The following SGCZ variants were observed in gnomAD, a reference collection of about 807,000 sequenced individuals.
The protein encoded by SGCZ is zeta-sarcoglycan.
SGCZ carries 40 observed loss-of-function variants against 41.3 expected under a neutral mutation model. The observed-to-expected ratio is 0.97, with a 90% confidence interval of 0.75 to 1.26. The LOEUF (loss-of-function observed/expected upper bound fraction) is 1.26. Among genes scored for constraint, SGCZ ranks in the 50% most tolerant of loss-of-function variants. The pLI is 0.00. For missense variants in SGCZ, 552 were observed against 369.8 expected, an observed-to-expected ratio of 1.49 and a Z score of -4.04; for synonymous variants, 206 against 137.5, an observed-to-expected ratio of 1.50 and a Z score of -3.49.
At chr8:14,479,731 C>CTTTTTTTTTTTTTTTTTTTTTTTTTTTT (rs529812029) in intron 2 of SGCZ, among the ~76,000 whole-genome samples, 5 of 52,976 alleles carry the variant, frequency 9.4e-5, no homozygotes, top group Admixed American at 2.3e-4. Context: ...AATTCTACTT[C>CTTTTTTTTTTTTTTTTTTTTTTTTTTTT]TTTTTTTTTT....
chr8:15,115,434 T>C (rs886666328), intron 1 of SGCZ, among the ~76,000 whole-genome samples: 1 of 152,158 alleles, frequency 6.6e-6, no homozygotes, highest in African/African-American at 2.4e-5. Context: ...CTACTGGAAA[T>C]GGAAACACGG....
chr8:14,382,762 G>C (rs538381689), intron 2 of SGCZ, among the ~76,000 whole-genome samples: 4 of 152,174 alleles, frequency 2.6e-5, no homozygotes, highest in Non-Finnish European at 4.4e-5. Context: ...AAAGAGTTTT[G>C]TAATGTTTGC....
chr8:14,640,675 T>C (rs2898394), intron 1 of SGCZ, among the ~76,000 whole-genome samples: 54,021 of 151,162 alleles, frequency 0.36, 9,862 homozygotes, highest in East Asian at 0.63. Flanking sequence ...TGTGTGTGTA[T>C]ATATTTGCTT....
chr8:15,094,796 G>A (rs1806276862), intron 1 of SGCZ, among the ~76,000 whole-genome samples: 1 of 152,150 alleles, frequency 6.6e-6, no homozygotes, highest in Non-Finnish European at 1.5e-5. Context: ...ATGGTTTTAT[G>A]AGGAGCTTTC....
chr8:14,879,355 T>G (rs545059787), intron 1 of SGCZ: 1 of 150,634 alleles, frequency 6.6e-6, no homozygotes, highest in African/African-American at 2.4e-5. Flanking sequence ...AACAGACAAA[T>G]AAAAAAAGAC....
intron 1 of SGCZ, among the ~76,000 whole-genome samples, chr8:14,801,892 G>C (rs192417533): frequency 1.4e-4 from 21 of 152,294 alleles, no homozygotes; most frequent in Admixed American, 1.4e-3. Flanking sequence ...TTCCTAATGA[G>C]AAACTGACAA....
Position 14,837,505 on chromosome 8 carries a change from C to A in SGCZ, c.40-282579G>T, listed in dbSNP as rs183990153. Among the ~76,000 whole-genome samples, 617 of 152,210 alleles carry A rather than the reference C, an allele frequency of 4.1e-3. 5 individuals are homozygous for A. Among genetic ancestry groups the A allele is most frequent in the South Asian group, 0.017 (80 of 4,822 alleles). ...TATAGGGACTACATTTCCCAACTCC[C>A]GTTGCATCAGGTGTGTCCATGTGGC... On this transcript the variant is annotated intron_variant, in intron 1 of 7. Coordinates refer to ENST00000382080, the MANE Select transcript of SGCZ (RefSeq NM_139167.4).
At chr8:14,826,624 T>A (rs1361683747) in intron 1 of SGCZ, among the ~76,000 whole-genome samples, 4 of 152,158 alleles carry the variant, frequency 2.6e-5, no homozygotes, top group African/African-American at 7.2e-5. Flanking sequence ...ATGATCGCCA[T>A]TCTAACTAGT....
At chr8:14,108,009 T>C (rs576453638) in intron 6 of SGCZ, among the ~76,000 whole-genome samples, 154 bp downstream of exon 6, 1 of 152,290 alleles carries the variant, frequency 6.6e-6, no homozygotes, top group African/African-American at 2.4e-5. Context: ...TTCTTTTTTT[T>C]TCCACATTCT....
chr8:14,794,178 A>T (rs985537759), intron 1 of SGCZ, among the ~76,000 whole-genome samples: 1 of 152,186 alleles, frequency 6.6e-6, no homozygotes, highest in Non-Finnish European at 1.5e-5. Context: ...AGTCACGATT[A>T]GACACCAATA....
At chr8:14,101,677 T>C (rs1048366561) in intron 7 of SGCZ, among the ~76,000 whole-genome samples, 1 of 148,268 alleles carries the variant, frequency 6.7e-6, no homozygotes, top group Non-Finnish European at 1.5e-5. Context: ...GTAAAACTTT[T>C]GTTTTCCTTT....
chr8:14,683,344 A>C (rs2117547544), intron 1 of SGCZ, among the ~76,000 whole-genome samples: 1 of 152,304 alleles, frequency 6.6e-6, no homozygotes, highest in Non-Finnish European at 1.5e-5. Flanking sequence ...ACACTTGTAT[A>C]AATTTAGAAA....
intron 1 of SGCZ, among the ~76,000 whole-genome samples, chr8:15,188,137 G>C (rs1009839754): frequency 6.6e-6 from 1 of 151,882 alleles, no homozygotes; most frequent in Admixed American, 6.6e-5. Flanking sequence ...TAGATAATCT[G>C]ACTGCAGCAT....
chr8:14,404,390 G>A (rs185696940), intron 2 of SGCZ, among the ~76,000 whole-genome samples: 1 of 151,176 alleles, frequency 6.6e-6, no homozygotes, highest in East Asian at 1.9e-4. Context: ...AAAGGAGACT[G>A]TATTCAGAGT....
At chr8:14,585,012 T>C (rs910771272) in intron 1 of SGCZ, among the ~76,000 whole-genome samples, 3 of 152,092 alleles carry the variant, frequency 2.0e-5, no homozygotes, top group Non-Finnish European at 2.9e-5. Flanking sequence ...CTACAAGAAA[T>C]AGAAAAAATC....
chr8:14,909,803 A>G (rs1280327365), intron 1 of SGCZ, among the ~76,000 whole-genome samples: 2 of 152,124 alleles, frequency 1.3e-5, no homozygotes, highest in Admixed American at 6.5e-5. Flanking sequence ...TCCATCTACT[A>G]GTTAAAAGTG....
At chr8:14,261,767 C>A (rs1035026566) in intron 3 of SGCZ, among the ~76,000 whole-genome samples, 2 of 152,060 alleles carry the variant, frequency 1.3e-5, no homozygotes, top group African/African-American at 4.8e-5. Context: ...TCCATAAATA[C>A]CCAATAAATT....
chr8:14,125,687 A>C (rs1184600335), intron 5 of SGCZ, among the ~76,000 whole-genome samples: 1 of 152,142 alleles, frequency 6.6e-6, no homozygotes, highest in Non-Finnish European at 1.5e-5. Context: ...CCTAAGCAAA[A>C]AGGACAAAGC....
intron 1 of SGCZ, among the ~76,000 whole-genome samples, chr8:14,804,188 G>T (rs1428075495): frequency 1.1e-5 from 1 of 94,844 alleles, no homozygotes; most frequent in African/African-American, 4.1e-5. Context: ...TCCTCCAAAG[G>T]AACGCAGTTC....
Sources: allele counts gnomAD v4.1 joint callset (sites outside exome capture counted in the v4.1 genomes callset), GRCh38; gene constraint gnomAD v4.1.1; transcripts MANE v1.5; gene names NCBI Gene and HGNC (gene_info 2026-07-23, HGNC 2026-07-21).